Variants in ATP7B observed in about 807,000 individuals in gnomAD.
ATP7B encodes ATPase copper transporting beta.
Under a neutral mutation model 118.9 loss-of-function variants are expected in ATP7B, and 113 were observed. The ratio of observed to expected loss-of-function variants is 0.95; its 90% CI spans 0.82 to 1.11. The LOEUF is 1.11. Among genes scored for constraint, ATP7B ranks in the 50% most tolerant of loss-of-function variants. The probability of loss-of-function intolerance (pLI) is 0.00; values close to 1 mark genes in which losing one functional copy is unlikely to be tolerated. For missense variants in ATP7B, 1,867 were observed against 1,871.4 expected (o/e 1.00, Z 0.04); for synonymous variants, 777 against 727.4 (o/e 1.07, Z -1.10).
At position 52,011,315 on chromosome 13, in the gene ATP7B, A is replaced by T. The variant is rs1246224304; in HGVS notation, c.23T>A (p.Ile8Asn). 6.2e-7 allele frequency: 1 copy of T among 1,614,194 alleles called. No individual in the cohort carries two copies. Among genetic ancestry groups the T allele is most frequent in the Non-Finnish European group, 8.5e-7 (1 of 1,180,024 alleles). The change falls in exon 1 of 21, where the codon ATC becomes AAC. Residue 8 changes from isoleucine to asparagine, a missense_variant. Transcript: ENST00000242839. ...CCGACTGGCCCCTTCTCTGGCTGTG[A>T]TCTGTCTCTCCTGCTCAGGCATCGT... The part of the protein sequence containing the change: MPEQERQ[I>N]TAREGASRKI...
intron 7 of ATP7B, chr13:51,959,832 C>T (rs1958613039): frequency 2.4e-6 from 1 of 410,826 alleles, no homozygotes; most frequent in African/African-American, 2.0e-5. Flanking sequence ...ACAATATGCA[C>T]ATTGGAGACA....
chr13:52,004,336 C>A (rs1048312298), intron 1 of ATP7B, among the ~76,000 whole-genome samples: 2 of 152,212 alleles, frequency 1.3e-5, no homozygotes, highest in African/African-American at 4.8e-5. Flanking sequence ...TACACGGCTG[C>A]AGCACCAACA....
intron 1 of ATP7B, among the ~76,000 whole-genome samples, chr13:51,999,138 G>A (rs1331350083): frequency 2.0e-5 from 3 of 152,190 alleles, no homozygotes; most frequent in Non-Finnish European, 2.9e-5. Flanking sequence ...CCTGAGAGCC[G>A]TATTTAAGTG....
At chr13:51,996,247 AAG>A (rs1227369024) in intron 1 of ATP7B, among the ~76,000 whole-genome samples, 1 of 152,202 alleles carries the variant, frequency 6.6e-6, no homozygotes, top group Non-Finnish European at 1.5e-5. Flanking sequence ...TCATCTGTTT[AAG>A]CAGCACCACG....
chr13:51,967,137 A>G, intron 4 of ATP7B: 1 of 1,589,232 alleles, frequency 6.3e-7, no homozygotes. Context: ...GGATCTATGA[A>G]AAAGTAGAAT....
chr13:51,988,838 T>A (rs927404813), intron 1 of ATP7B, among the ~76,000 whole-genome samples: 3 of 136,652 alleles, frequency 2.2e-5, no homozygotes, highest in Non-Finnish European at 4.5e-5. Flanking sequence ...TTCTCACTCA[T>A]AAGTGGGAGC....
chr13:51,968,515 T>C lies in ATP7B; in HGVS notation c.1636A>G (p.Ile546Val). The C allele has an allele frequency of 1.2e-6, 2 of 1,614,124 alleles. No individual in the cohort carries two copies. Among genetic ancestry groups the C allele is most frequent in the Non-Finnish European group, 1.7e-6 (2 of 1,179,998 alleles). Residue 546 changes from isoleucine to valine, a missense_variant, in exon 4 of 21, where the codon ATC becomes GTC. Transcript: ENST00000242839. ...VIQPLEIAQF[I>V]QDLGFEAAVM... ...GCTGCCTCAAAACCCAGGTCCTGGA[T>C]GAACTGAGCTATCTCGAGGGGCTGG... is the stretch of plus-strand genomic sequence containing the variant.
In ATP7B at chr13:51,960,161, C is replaced by T. The variant is rs767218895; in HGVS notation, c.2108G>A (p.Cys703Tyr). The T allele has an allele frequency of 1.4e-5, 23 of 1,613,780 alleles. No homozygotes were observed. Among genetic ancestry groups the T allele is most frequent in the Non-Finnish European group, 1.9e-5 (23 of 1,179,792 alleles). ...SILNLIFFIL[C>Y]TFVQLLGGWY... ...TCTCATATATACCTGGACAAAGGTA[C>T]ACAAGATAAAGAAGATGAGATTTAG... Residue 703 changes from cysteine to tyrosine, a missense_variant, in exon 7 of 21, where the codon TGT becomes TAT. By Grantham distance (194) the Cys-to-Tyr change is radical. Transcript: ENST00000242839.
At chr13:51,990,926 A>G (rs1835213940) in intron 1 of ATP7B, among the ~76,000 whole-genome samples, 1 of 152,208 alleles carries the variant, frequency 6.6e-6, no homozygotes, top group Admixed American at 6.5e-5. Context: ...CATCTCTACT[A>G]AAAATACAAA....
intron 4 of ATP7B, chr13:51,966,635 C>A: frequency 3.5e-6 from 3 of 862,170 alleles, no homozygotes; most frequent in Non-Finnish European, 3.7e-6. Context: ...GATGACAATG[C>A]AACTATTGAT....
rs1956811325 is a variant in ATP7B at position 51,933,690 on chromosome 13, C to A, written c.*1066G>T. ...GTGTTTTCCTCCTATTTGGGCAGTACCATTTCCTCCAAGCCACACAAGGCC... is the reference window on the plus strand; with the variant it reads ...GTGTTTTCCTCCTATTTGGGCAGTAACATTTCCTCCAAGCCACACAAGGCC... On this transcript the variant is annotated 3_prime_UTR_variant, in exon 21 of 21. Transcript: ENST00000242839. 1 of 152,194 alleles carries A rather than the reference C, an allele frequency of 6.6e-6. No individual in the cohort carries two copies. Among genetic ancestry groups the A allele is most frequent in the Admixed American group, 6.5e-5 (1 of 15,276 alleles). The allele number at this position is 152,194 out of a possible 1,614,324, so 9.4% of individuals were successfully genotyped here.
chr13:51,973,797 AG>A (rs1951956925), intron 2 of ATP7B, 137 bp downstream of exon 2: 11 of 1,304,534 alleles, frequency 8.4e-6, no homozygotes, highest in Non-Finnish European at 1.2e-5. Context: ...TTAACATGCA[AG>A]GAAAGTTTGC....
chr13:51,964,682 C>T, intron 5 of ATP7B, 190 bp downstream of exon 5: 4 of 625,552 alleles, frequency 6.4e-6, no homozygotes, highest in Non-Finnish European at 1.1e-5. Context: ...TCACTGATAT[C>T]CTCCCTCAGA....
In ATP7B at chr13:51,949,803, A is replaced by G. The variant is rs1392692419; in HGVS notation, c.2731-7T>C. The G allele has an allele frequency of 6.2e-7, 1 of 1,613,986 alleles. No homozygotes were observed. The highest frequency in any genetic ancestry group is 1.7e-5 in the Admixed American group (1 of 60,020). On this transcript the variant is annotated splice_polypyrimidine_tract_variant and splice_region_variant and intron_variant, in intron 11 of 20. Transcript: ENST00000242839. ...CCAGCTGCTGAATGGGTGCCTATGA[A>G]AATAAAACACCAAGACCATGGGAAA...
intron 1 of ATP7B, among the ~76,000 whole-genome samples, chr13:51,978,549 A>C (rs1952239334): frequency 6.6e-6 from 1 of 152,264 alleles, no homozygotes; most frequent in Admixed American, 6.5e-5. Flanking sequence ...TGCAAAACAA[A>C]GCATGCCATG....
At position 51,946,677 on chromosome 13, in the gene ATP7B, T is replaced by C. The variant is rs189881545; in HGVS notation, c.2866-199A>G. On this transcript the variant is annotated intron_variant, in intron 12 of 20. Transcript: ENST00000242839. ...TCCACATCCCAGCTATCCAACTTCA[T>C]CCTACAGGTTTCCCTCAAAGAGGCA... is the stretch of plus-strand genomic sequence containing the variant. The C allele has an allele frequency of 2.9e-5, 19 of 655,456 alleles. No homozygotes were observed. In the East Asian group the frequency reaches 5.0e-4, roughly 17 times the overall value. 40.6% of individuals were successfully genotyped at this position (655,456 alleles called of 1,614,324 possible).
rs770362811 is a variant in ATP7B, at chr13:51,970,478, C to G, written c.1543+14G>C. 6.2e-7 allele frequency: 1 copy of G among 1,613,996 alleles called. No homozygotes were observed. Among genetic ancestry groups the G allele is most frequent in the Admixed American group, 1.7e-5 (1 of 60,004 alleles). ...GCAGCATTCCTAAGTTCAACATGGG[C>G]GTTCATCTCTTACCAGCTTCTTTCT... On this transcript the variant is annotated intron_variant, in intron 3 of 20. Coordinates refer to ENST00000242839, the MANE Select transcript of ATP7B (RefSeq NM_000053.4).
At chr13:51,967,857 T>C (rs1275765688) in intron 4 of ATP7B, among the ~76,000 whole-genome samples, 5 of 152,194 alleles carry the variant, frequency 3.3e-5, no homozygotes, top group Middle Eastern at 3.2e-3. Context: ...GACACATCCA[T>C]TGTTTTCAAT....
rs144559942 is a variant in ATP7B, at chr13:52,009,805, G to C, written c.51+1482C>G. 4.6e-3 allele frequency among the ~76,000 whole-genome samples: 695 copies of C among 152,066 alleles called. 5 individuals carry two copies. The highest frequency in any genetic ancestry group is 0.015 in the African/African-American group (633 of 41,466). On this transcript the variant is annotated intron_variant, in intron 1 of 20. Coordinates refer to ENST00000242839, the MANE Select transcript of ATP7B (RefSeq NM_000053.4). ...AAATCCCCAGTGTCTAAAACTTTGAGTACTATGTGTTTGAGCACATAGTAC... is the reference window on the plus strand; with the variant it reads ...AAATCCCCAGTGTCTAAAACTTTGACTACTATGTGTTTGAGCACATAGTAC...
Sources: gnomAD v4.1 joint callset for allele counts (sites outside exome capture counted in the v4.1 genomes callset) on GRCh38, gnomAD v4.1.1 for gene constraint, MANE v1.5 for transcripts, NCBI Gene and HGNC (gene_info 2026-07-23, HGNC 2026-07-21) for gene names.